Variants in NF2 observed in about 807,000 individuals in gnomAD.
NF2 encodes merlin.
In NF2, 8 loss-of-function variants were observed where a neutral mutation model predicts 83.7. That is an observed-to-expected ratio of 0.10 (90% CI 0.06 to 0.17). The LOEUF (loss-of-function observed/expected upper bound fraction) is 0.17. Among genes scored for constraint, NF2 ranks in the 10% least tolerant of loss-of-function variants. NF2 has a pLI of 1.00. For missense variants in NF2, 533 were observed against 744.4 expected (o/e 0.72, Z 3.31); for synonymous variants, 266 against 269.6 (o/e 0.99, Z 0.13).
intron 15 of NF2, chr22:29,683,072 G>A: frequency 1.9e-6 from 3 of 1,614,224 alleles, no homozygotes; most frequent in South Asian, 1.1e-5. Context: ...AAAGTAGGTT[G>A]TTCCCAGGTA....
At position 29,695,068 on chromosome 22, in the gene NF2, G is replaced by A. The variant is rs886057343; in HGVS notation, c.*266G>A. 1 of 571,864 alleles carries A rather than the reference G, an allele frequency of 1.7e-6. No individual in the cohort carries two copies. The highest frequency in any genetic ancestry group is 1.9e-5 in the African/African-American group (1 of 53,596). The allele number at this position is 571,864 out of a possible 1,614,324, so 35.4% of individuals were successfully genotyped here. A position where few individuals can be genotyped will look rare whatever the true frequency, so the allele number is the denominator to read the frequency against. On this transcript the variant is annotated 3_prime_UTR_variant, in exon 16 of 16. Coordinates refer to ENST00000338641, the MANE Select transcript of NF2 (RefSeq NM_000268.4). The surrounding 1 kb of genome is among the most constrained non-coding windows in gnomAD (Gnocchi z 5.4). ...GTATTTGTCTTCCTTTGTCTAATGT[G>A]GGATTCCTGACTCCCTTCGTCCAAG...
chr22:29,609,388 G>A, intron 1 of NF2: 1 of 564,654 alleles, frequency 1.8e-6, no homozygotes, highest in Non-Finnish European at 3.4e-6. Context: ...CAGAGGCGAA[G>A]CTAACATGAT....
chr22:29,603,811 C>T lies in NF2; in HGVS notation c.-188C>T. On this transcript the variant is annotated 5_prime_UTR_variant, in exon 1 of 16. Transcript: ENST00000338641. ...CCGTCAGGGCCCGTCCCCCAACTCC[C>T]CTTTCCGCTCAGGCAGGGTCCTCGC... is the stretch of plus-strand genomic sequence containing the variant. 1.7e-6 allele frequency: 1 copy of T among 583,012 alleles called. No individual in the cohort carries two copies. Among genetic ancestry groups the T allele is most frequent in the South Asian group, 2.1e-5 (1 of 47,866 alleles). 36.1% of individuals were successfully genotyped at this position (583,012 alleles called of 1,614,324 possible). A position where few individuals can be genotyped will look rare whatever the true frequency, so the allele number is the denominator to read the frequency against.
At chr22:29,663,939 C>T (rs1026490283) in intron 8 of NF2, among the ~76,000 whole-genome samples, 27 of 152,176 alleles carry the variant, frequency 1.8e-4, no homozygotes, top group African/African-American at 4.3e-4. Flanking sequence ...AAGCCACCAC[C>T]CTGTCTTTAT....
Position 29,636,149 on chromosome 22 carries a change from G to A in NF2, c.115-602G>A, listed in dbSNP as rs1303180446. 1.3e-5 allele frequency among the ~76,000 whole-genome samples: 2 copies of A among 152,186 alleles called. No homozygotes were observed. The highest frequency in any genetic ancestry group is 2.4e-5 in the African/African-American group (1 of 41,440). On this transcript the variant is annotated intron_variant, in intron 1 of 15. Coordinates refer to ENST00000338641, the MANE Select transcript of NF2 (RefSeq NM_000268.4). This position sits in a 1 kb window ranked among gnomAD's most constrained non-coding sequence, Gnocchi z 4.4. ...CCAGGAGTTTGAATTTGCTCTGGGT[G>A]ACTGGGTGAGTAGCTTCCCCTTTGG...
chr22:29,623,203 T>A (rs1421536697), intron 1 of NF2, among the ~76,000 whole-genome samples: 1 of 151,388 alleles, frequency 6.6e-6, no homozygotes, highest in African/African-American at 2.4e-5. Flanking sequence ...CCTCAGCCTC[T>A]CAAAGTGCTG....
At chr22:29,655,556 C>T (rs2066276104) in intron 5 of NF2, 38 bp from the exon 6 acceptor site, 2 of 1,462,196 alleles carry the variant, frequency 1.4e-6, no homozygotes, top group South Asian at 2.3e-5. Flanking sequence ...AAATTTACTT[C>T]ATGTGTAGGT....
Position 29,674,907 on chromosome 22 carries a change from AG to A in NF2, c.1413del (p.Lys471AsnfsTer14). The part of the protein sequence containing the change: ...AREAERRAKQ[K>X]LLEIATKPTY... The stretch of plus-strand genomic sequence containing the variant: ...GAGGCGGAGCGAAGAGCCAAGCAGA[AG>A]CTCCTGGAGATTGCCACCAAGCCCA... On this transcript the variant is annotated frameshift_variant, in exon 13 of 16. Transcript: ENST00000338641. LOFTEE classifies it high-confidence loss of function. The A allele has an allele frequency of 6.4e-7, 1 of 1,573,568 alleles. No individual in the cohort carries two copies. Among genetic ancestry groups the A allele is most frequent in the African/African-American group, 1.3e-5 (1 of 74,146 alleles).
At chr22:29,653,429 G>A (rs999763100) in intron 4 of NF2, among the ~76,000 whole-genome samples, 5 of 136,652 alleles carry the variant, frequency 3.7e-5, no homozygotes, top group Admixed American at 2.3e-4. Context: ...GGGTGACAGA[G>A]CGAGACTCTG....
chr22:29,605,229 G>A (rs565226145), intron 1 of NF2, among the ~76,000 whole-genome samples: 2 of 149,230 alleles, frequency 1.3e-5, no homozygotes, highest in African/African-American at 2.5e-5. Context: ...GCAATGGCGC[G>A]ATCTTGTCTC....
chr22:29,662,589 A>G (rs2066509854), intron 8 of NF2, among the ~76,000 whole-genome samples: 1 of 152,226 alleles, frequency 6.6e-6, no homozygotes, highest in South Asian at 2.1e-4. Context: ...GATGACAACA[A>G]ATGTAGTCTT....
intron 1 of NF2, among the ~76,000 whole-genome samples, chr22:29,623,182 C>T (rs1156660884): frequency 6.6e-6 from 1 of 150,774 alleles, no homozygotes. Flanking sequence ...TGGGCTCAAG[C>T]GATCCTTCCG....
chr22:29,637,025 G>A lies in NF2; in HGVS notation c.240+149G>A, dbSNP rs144094154. 1.4e-5 allele frequency: 16 copies of A among 1,163,122 alleles called. No individual in the cohort carries two copies. In the Admixed American group the frequency reaches 1.5e-4, roughly 11 times the overall value. The allele number at this position is 1,163,122 out of a possible 1,614,324, so 72.1% of individuals were successfully genotyped here. On this transcript the variant is annotated intron_variant, in intron 2 of 15. Coordinates refer to ENST00000338641, the MANE Select transcript of NF2 (RefSeq NM_000268.4). ...AATTAAGTCATGCAGAAAGCAGGACGTAGAGATGCTACCAGTTTCCTTCTC... is the reference window on the plus strand; with the variant it reads ...AATTAAGTCATGCAGAAAGCAGGACATAGAGATGCTACCAGTTTCCTTCTC...
intron 9 of NF2, 91 bp downstream of exon 9, chr22:29,665,155 G>C: frequency 1.0e-6 from 1 of 992,216 alleles, no homozygotes; most frequent in Admixed American, 1.9e-5. Context: ...GTGACATCTT[G>C]TGAAGTATAG....
chr22:29,612,042 CTG>C (rs1407785582), intron 1 of NF2, among the ~76,000 whole-genome samples: 1 of 152,170 alleles, frequency 6.6e-6, no homozygotes, highest in Non-Finnish European at 1.5e-5. Flanking sequence ...GAGTCTCACT[CTG>C]TCGTCCAGGC....
chr22:29,632,235 C>T (rs117094557), intron 1 of NF2, among the ~76,000 whole-genome samples: 103 of 152,304 alleles, frequency 6.8e-4, no homozygotes, highest in Non-Finnish European at 1.3e-3. Flanking sequence ...AACTATCCTA[C>T]TCCCATTTCC....
rs2146991214 is a variant in NF2, at chr22:29,658,279, C to G, written c.675+15C>G. On this transcript the variant is annotated intron_variant, in intron 7 of 15. Transcript: ENST00000338641. Reference sequence around the variant, plus strand: ...TTGCAATCCGGGTGTGTTGAAACCTCTCTGAGCTCCTTGTGTAGTAGACAG... The same window carrying G: ...TTGCAATCCGGGTGTGTTGAAACCTGTCTGAGCTCCTTGTGTAGTAGACAG... 2 of 1,611,514 alleles carry G rather than the reference C, an allele frequency of 1.2e-6. No individual in the cohort carries two copies. The highest frequency in any genetic ancestry group is 1.7e-6 in the Non-Finnish European group (2 of 1,177,610).
chr22:29,624,711 T>C (rs551655681), intron 1 of NF2, among the ~76,000 whole-genome samples: 54 of 152,348 alleles, frequency 3.5e-4, no homozygotes, highest in African/African-American at 1.3e-3. Flanking sequence ...ATTCAGATTG[T>C]CCATGCCTTT....
chr22:29,673,449 G>T lies in NF2; in HGVS notation c.1303G>T (p.Val435Leu), dbSNP rs772334382. 3 of 1,611,906 alleles carry T rather than the reference G, an allele frequency of 1.9e-6. No homozygotes were observed. The highest frequency in any genetic ancestry group is 4.5e-5 in the East Asian group (2 of 44,816). The change falls in exon 12 of 16, where the codon GTG becomes TTG. Residue 435 changes from valine to leucine, a missense_variant. By Grantham distance (32) the Val-to-Leu change is conservative (BLOSUM62 1). Coordinates refer to ENST00000338641, the MANE Select transcript of NF2 (RefSeq NM_000268.4). ...GGAGCAGAAGGTGCTGGAAGCCGAG[G>T]TGCTGGCACTGAAGATGGCTGAGGA... ...LMEQKVLEAE[V>L]LALKMAEESE... is the part of the protein sequence containing the mutation.
Sources: allele counts gnomAD v4.1 joint callset (sites outside exome capture counted in the v4.1 genomes callset), GRCh38; gene constraint gnomAD v4.1.1; non-coding constraint Gnocchi (gnomAD v3.1); transcripts MANE v1.5; gene names NCBI Gene and HGNC (gene_info 2026-07-23, HGNC 2026-07-21).